CTNNA2: variants seen among roughly 807,000 people sequenced by gnomAD.
The protein encoded by CTNNA2 is catenin alpha 2.
CTNNA2 carries 42 observed loss-of-function variants against 101.0 expected under a neutral mutation model. The observed-to-expected ratio is 0.42, with a 90% CI of 0.32 to 0.54. The LOEUF is 0.54. Ranked by LOEUF, CTNNA2 falls within the 20% of genes least tolerant of loss-of-function variation. The pLI, the probability that CTNNA2 is intolerant of heterozygous loss-of-function variation, is 0.14. For missense variants in CTNNA2, 871 were observed against 1,223.1 expected, an observed-to-expected ratio of 0.71 and a Z score of 4.29; for synonymous variants, 450 against 456.4, an observed-to-expected ratio of 0.99 and a Z score of 0.18.
intron 11 of CTNNA2, among the ~76,000 whole-genome samples, chr2:80,549,002 C>T (rs1692331545): frequency 6.6e-6 from 1 of 151,738 alleles, no homozygotes; most frequent in Non-Finnish European, 1.5e-5. Flanking sequence ...TTAATGCTAC[C>T]CTAACTTCTG....
intron 7 of CTNNA2, among the ~76,000 whole-genome samples, chr2:79,990,303 A>C (rs367890344): frequency 2.7e-4 from 41 of 152,234 alleles, no homozygotes; most frequent in African/African-American, 7.9e-4. Flanking sequence ...GAATAGAATG[A>C]TTTTTGTGCA....
intron 9 of CTNNA2, among the ~76,000 whole-genome samples, chr2:80,483,744 G>T (rs1686327809): frequency 6.6e-6 from 1 of 152,106 alleles, no homozygotes; most frequent in South Asian, 2.1e-4. Context: ...ACAAAGTATT[G>T]GGATAAATAG....
intron 7 of CTNNA2, among the ~76,000 whole-genome samples, chr2:80,353,062 T>C (rs942863309): frequency 1.3e-5 from 2 of 152,144 alleles, no homozygotes; most frequent in African/African-American, 4.8e-5. Flanking sequence ...TGACTATGTC[T>C]TCCCCAAGAA....
chr2:80,601,140 C>G (rs1044967423), intron 15 of CTNNA2, among the ~76,000 whole-genome samples: 1 of 152,116 alleles, frequency 6.6e-6, no homozygotes, highest in African/African-American at 2.4e-5. Flanking sequence ...ACAAATAATT[C>G]TCGTATGTAT....
intron 7 of CTNNA2, among the ~76,000 whole-genome samples, chr2:80,161,792 G>A (rs555642978): frequency 6.6e-6 from 1 of 152,206 alleles, no homozygotes; most frequent in African/African-American, 2.4e-5. Flanking sequence ...AAAAATATAC[G>A]TGTAGAGATA....
Position 80,419,518 on chromosome 2 carries a change from A to T in CTNNA2, c.1207A>T (p.Ile403Phe). 1 of 1,613,246 alleles carries T rather than the reference A, an allele frequency of 6.2e-7. No homozygotes were observed. Among genetic ancestry groups the T allele is most frequent in the Non-Finnish European group, 8.5e-7 (1 of 1,179,310 alleles). ...LETNVPLLVLIEAAKSGNEKE... is the reference protein window; with the variant it reads ...LETNVPLLVLFEAAKSGNEKE... ...AACCAATGTTCCTTTGCTAGTTCTC[A>T]TTGAGGCTGCAAAGAGCGGAAATGA... The change falls in exon 9 of 19, where the codon ATT becomes TTT. Residue 403 changes from isoleucine to phenylalanine, a missense_variant. Coordinates refer to ENST00000402739, the MANE Select transcript of CTNNA2 (RefSeq NM_001282597.3).
intron 4 of CTNNA2, among the ~76,000 whole-genome samples, chr2:79,402,676 AC>A (rs1466737019): frequency 6.6e-6 from 1 of 151,820 alleles, no homozygotes; most frequent in Non-Finnish European, 1.5e-5. Flanking sequence ...GGGTAGGCAA[AC>A]TACTATACAT....
At chr2:80,617,233 G>T (rs948660749) in intron 17 of CTNNA2, among the ~76,000 whole-genome samples, 1 of 151,566 alleles carries the variant, frequency 6.6e-6, no homozygotes, top group Non-Finnish European at 1.5e-5. Flanking sequence ...TGTGCTAAGT[G>T]ACTAATTTAT....
At chr2:80,116,614 A>T (rs1023980503) in intron 7 of CTNNA2, among the ~76,000 whole-genome samples, 1 of 152,166 alleles carries the variant, frequency 6.6e-6, no homozygotes, top group African/African-American at 2.4e-5. Context: ...TTGGGATAAG[A>T]TAGGGCATTA....
chr2:80,167,672 A>G (rs1342399439), intron 7 of CTNNA2, among the ~76,000 whole-genome samples: 3 of 152,236 alleles, frequency 2.0e-5, no homozygotes, highest in African/African-American at 7.2e-5. Context: ...CCTTTAGCCT[A>G]AAAGATAACT....
intron 3 of CTNNA2, among the ~76,000 whole-genome samples, chr2:79,839,939 T>C (rs1388133497): frequency 1.3e-5 from 2 of 152,324 alleles, no homozygotes; most frequent in African/African-American, 4.8e-5. Flanking sequence ...GAAGACTTAT[T>C]TGTGAGAGTC....
intron 18 of CTNNA2, among the ~76,000 whole-genome samples, chr2:80,632,032 A>T (rs1468097411): frequency 1.3e-5 from 2 of 152,142 alleles, no homozygotes; most frequent in African/African-American, 2.4e-5. Flanking sequence ...TATTAAATTG[A>T]TGCATAAGAC....
intron 7 of CTNNA2, among the ~76,000 whole-genome samples, chr2:80,108,158 A>C (rs1358823776): frequency 6.6e-6 from 1 of 152,218 alleles, no homozygotes; most frequent in Non-Finnish European, 1.5e-5. Flanking sequence ...CAAAGGAATG[A>C]AACATCTAGT....
At chr2:80,562,106 A>T (rs1199235123) in intron 12 of CTNNA2, among the ~76,000 whole-genome samples, 2 of 136,774 alleles carry the variant, frequency 1.5e-5, no homozygotes, top group Non-Finnish European at 3.5e-5. Context: ...CTGTCTATAA[A>T]TCTCTCTCCA....
chr2:80,628,933 T>A (rs1332574775), intron 18 of CTNNA2, among the ~76,000 whole-genome samples: 2 of 152,138 alleles, frequency 1.3e-5, no homozygotes, highest in Non-Finnish European at 2.9e-5. Flanking sequence ...ATGCTGACTT[T>A]CAGTAGCTGG....
At position 79,909,805 on chromosome 2, in the gene CTNNA2, T is replaced by C; in HGVS notation, c.1056+8T>C. 2.5e-6 allele frequency: 4 copies of C among 1,590,482 alleles called. No individual in the cohort carries two copies. Among genetic ancestry groups the C allele is most frequent in the Non-Finnish European group, 3.4e-6 (4 of 1,164,086 alleles). ...AGCGAGTACATGAATAATGTAAGTC[T>C]TGGGATCTCCATTCTCATGTCTTGG... is the stretch of plus-strand genomic sequence containing the variant. On this transcript the variant is annotated splice_region_variant and intron_variant, in intron 7 of 18. Transcript: ENST00000402739.
At chr2:80,251,869 C>G (rs1359284317) in intron 7 of CTNNA2, among the ~76,000 whole-genome samples, 1 of 152,158 alleles carries the variant, frequency 6.6e-6, no homozygotes. Context: ...CAGAAAATTG[C>G]CTTCACATTT....
intron 3 of CTNNA2, among the ~76,000 whole-genome samples, chr2:79,316,932 C>T (rs1435701200): frequency 6.6e-6 from 1 of 151,774 alleles, no homozygotes; most frequent in African/African-American, 2.4e-5. Context: ...CACTAGTATG[C>T]TAAATGGAAT....
chr2:80,546,910 CCAGGTGTTGATTCTACA>C (rs1203635352), intron 11 of CTNNA2, among the ~76,000 whole-genome samples: 1 of 152,152 alleles, frequency 6.6e-6, no homozygotes, highest in Non-Finnish European at 1.5e-5. Flanking sequence ...TTCAAATTGG[CCAGGTGTTGATTCTACA>C]CAGGTGTGTG....
Sources: gnomAD v4.1 joint callset for allele counts (sites outside exome capture counted in the v4.1 genomes callset) on GRCh38, gnomAD v4.1.1 for gene constraint, MANE v1.5 for transcripts, NCBI Gene and HGNC (gene_info 2026-07-23, HGNC 2026-07-21) for gene names.